Variants in CFAP53 observed in about 807,000 individuals in gnomAD.
CFAP53 encodes the protein cilia- and flagella-associated protein 53.
In CFAP53, 62 loss-of-function variants were observed where a neutral mutation model predicts 59.7. The observed-to-expected ratio is 1.04, with a 90% confidence interval of 0.85 to 1.28. The LOEUF (loss-of-function observed/expected upper bound fraction) is 1.28, where lower values mean the gene tolerates loss of function less well. Ranked by LOEUF, CFAP53 falls within the 50% of genes most tolerant of loss-of-function variation. The pLI is 0.00. For missense variants in CFAP53, 629 were observed against 615.6 expected, an observed-to-expected ratio of 1.02 and a Z score of -0.23; for synonymous variants, 218 against 205.7, an observed-to-expected ratio of 1.06 and a Z score of -0.51.
intron 3 of CFAP53, 138 bp from the exon 4 acceptor site, chr18:50,251,922 A>G (rs1018803515): frequency 1.0e-5 from 8 of 767,208 alleles, no homozygotes; most frequent in Non-Finnish European, 1.7e-5. Flanking sequence ...ACAGGAAACA[A>G]GAGGGAGCAG....
rs758650197 is a variant in CFAP53, at chr18:50,251,663, G to T, written c.595C>A (p.Gln199Lys). Residue 199 changes from glutamine to lysine, a missense_variant, in exon 4 of 8, where the codon CAG becomes AAG. By Grantham distance (53) the Gln-to-Lys change is moderately conservative (BLOSUM62 1). Coordinates refer to ENST00000398545, the MANE Select transcript of CFAP53 (RefSeq NM_145020.5). ...ELSRQKLVEE[Q>K]MFSKLWEEDR... ...TCCTCCCAGAGTTTGGAGAACATCT[G>T]CTCTTCCACCAGCTTTTGCCTGCTC... 6.2e-7 allele frequency: 1 copy of T among 1,614,182 alleles called. No individual in the cohort carries two copies. The highest frequency in any genetic ancestry group is 2.2e-5 in the East Asian group (1 of 44,886).
At position 50,227,415 on chromosome 18, in the gene CFAP53, A is replaced by AT. The variant is rs1568148469; in HGVS notation, c.1510dup (p.Met504AsnfsTer8). 1 of 1,614,102 alleles carries AT rather than the reference A, an allele frequency of 6.2e-7. No individual in the cohort carries two copies. The stretch of plus-strand genomic sequence containing the variant: ...AAGCTTACTGGGGCATGCCTTGCGC[A>AT]TGGGATGAATGTTTTGAGGCAGCAC... On this transcript the variant is annotated frameshift_variant, in exon 8 of 8. Coordinates refer to ENST00000398545, the MANE Select transcript of CFAP53 (RefSeq NM_145020.5). LOFTEE classifies it high-confidence loss of function.
chr18:50,260,946 T>TA, intron 3 of CFAP53, 118 bp downstream of exon 3: 5 of 998,598 alleles, frequency 5.0e-6, no homozygotes, highest in Non-Finnish European at 7.4e-6. Context: ...TGCCAAGACT[T>TA]AAAGTTACAA....
chr18:50,256,295 T>C (rs559185211), intron 3 of CFAP53: 1 of 152,018 alleles, frequency 6.6e-6, no homozygotes, highest in African/African-American at 2.4e-5. Flanking sequence ...CAGCATCTTT[T>C]CCCCCCAGCA....
At chr18:50,232,824 G>T (rs1414129136) in intron 7 of CFAP53, among the ~76,000 whole-genome samples, 1 of 152,230 alleles carries the variant, frequency 6.6e-6, no homozygotes, top group African/African-American at 2.4e-5. Flanking sequence ...TGCAGTGGCT[G>T]GAAGGCTCAC....
chr18:50,249,813 C>A (rs1196104212), intron 5 of CFAP53, among the ~76,000 whole-genome samples: 2 of 152,172 alleles, frequency 1.3e-5, no homozygotes, highest in African/African-American at 4.8e-5. Flanking sequence ...AACATCCTGA[C>A]TGGCATGGTA....
intron 3 of CFAP53, among the ~76,000 whole-genome samples, chr18:50,260,023 G>C (rs1459778956): frequency 6.6e-6 from 1 of 152,164 alleles, no homozygotes; most frequent in Non-Finnish European, 1.5e-5. Flanking sequence ...GAATGTCTTG[G>C]TTTGTGAAAC....
chr18:50,260,479 T>C (rs1408784380), intron 3 of CFAP53, among the ~76,000 whole-genome samples: 2 of 151,994 alleles, frequency 1.3e-5, no homozygotes, highest in East Asian at 1.9e-4. Context: ...CTGCGCAACA[T>C]GACGAAACCC....
At chr18:50,263,898 A>G (rs2144439466) in intron 1 of CFAP53, among the ~76,000 whole-genome samples, 1 of 152,302 alleles carries the variant, frequency 6.6e-6, no homozygotes, top group South Asian at 2.1e-4. Context: ...CTGGTCTGGG[A>G]AGGACCCAAT....
Position 50,262,236 on chromosome 18 carries a change from A to G in CFAP53, c.70-17T>C. 1 of 1,592,544 alleles carries G rather than the reference A, an allele frequency of 6.3e-7. No homozygotes were observed. The highest frequency in any genetic ancestry group is 1.1e-5 in the South Asian group (1 of 90,624). ...CTTGGATCTCTGAAAACAAAAACCA[A>G]CTATCACTTATAATAAGCCAAAGAA... On this transcript the variant is annotated splice_polypyrimidine_tract_variant and intron_variant, in intron 1 of 7. Coordinates refer to ENST00000398545, the MANE Select transcript of CFAP53 (RefSeq NM_145020.5).
chr18:50,251,910 G>T, intron 3 of CFAP53, 126 bp from the exon 4 acceptor site: 1 of 827,790 alleles, frequency 1.2e-6, no homozygotes, highest in Non-Finnish European at 1.9e-6. Context: ...GGCCATCGGA[G>T]CACAGGAAAC....
intron 1 of CFAP53, among the ~76,000 whole-genome samples, chr18:50,262,811 A>C (rs921975561): frequency 6.6e-6 from 1 of 152,186 alleles, no homozygotes; most frequent in Non-Finnish European, 1.5e-5. Context: ...ATCTTTGACT[A>C]AGAAGGAAGA....
intron 3 of CFAP53, among the ~76,000 whole-genome samples, chr18:50,258,512 T>C (rs199624869): frequency 6.6e-6 from 1 of 152,150 alleles, no homozygotes; most frequent in Non-Finnish European, 1.5e-5. Flanking sequence ...ACAAGAAACA[T>C]TGGGGAAAAA....
chr18:50,252,384 G>C (rs774613949), intron 3 of CFAP53, among the ~76,000 whole-genome samples: 3 of 151,958 alleles, frequency 2.0e-5, no homozygotes, highest in Non-Finnish European at 4.4e-5. Context: ...GATTAGAGGC[G>C]TGAGCCACCG....
chr18:50,231,831 G>C (rs1411263544), intron 7 of CFAP53, among the ~76,000 whole-genome samples: 2 of 152,148 alleles, frequency 1.3e-5, no homozygotes, highest in African/African-American at 4.8e-5. Context: ...TTCTCACTCT[G>C]AATCCTCCTG....
chr18:50,231,277 T>C (rs945095314), intron 7 of CFAP53, among the ~76,000 whole-genome samples: 1 of 152,218 alleles, frequency 6.6e-6, no homozygotes, highest in Non-Finnish European at 1.5e-5. Flanking sequence ...GTTTTCCTAC[T>C]TTCTCTAATA....
intron 5 of CFAP53, among the ~76,000 whole-genome samples, chr18:50,246,502 C>T (rs896401918): frequency 6.6e-6 from 1 of 152,124 alleles, no homozygotes; most frequent in African/African-American, 2.4e-5. Flanking sequence ...AATGTAAAAG[C>T]TAAAATTATA....
At chr18:50,246,463 T>C (rs539211460) in intron 5 of CFAP53, among the ~76,000 whole-genome samples, 1 of 152,272 alleles carries the variant, frequency 6.6e-6, no homozygotes, top group East Asian at 1.9e-4. Flanking sequence ...TCATGCCATA[T>C]ACAAAACTTA....
At chr18:50,257,634 T>C (rs1284120345) in intron 3 of CFAP53, among the ~76,000 whole-genome samples, 1 of 152,230 alleles carries the variant, frequency 6.6e-6, no homozygotes, top group African/African-American at 2.4e-5. Context: ...TTGAAACATA[T>C]TCCATGTTCT....
Sources: gnomAD v4.1 joint callset for allele counts (sites outside exome capture counted in the v4.1 genomes callset) on GRCh38, gnomAD v4.1.1 for gene constraint, MANE v1.5 for transcripts, NCBI Gene and HGNC (gene_info 2026-07-23, HGNC 2026-07-21) for gene names.